The following MLLT10 variants were observed in gnomAD, a reference collection of about 807,000 sequenced individuals.
MLLT10 encodes the protein MLLT10 histone lysine methyltransferase DOT1L cofactor.
A neutral mutation model predicts 129.1 loss-of-function variants in MLLT10; 30 were observed. That is an observed-to-expected ratio of 0.23 (90% CI 0.17 to 0.32). The LOEUF is 0.32. Ranked by LOEUF, MLLT10 falls within the 10% of genes least tolerant of loss-of-function variation. MLLT10 has a pLI of 1.00. For missense variants in MLLT10, 1,119 were observed against 1,268.3 expected, an observed-to-expected ratio of 0.88 and a Z score of 1.79; for synonymous variants, 490 against 446.4, an observed-to-expected ratio of 1.10 and a Z score of -1.23.
intron 20 of MLLT10, among the ~76,000 whole-genome samples, chr10:21,734,563 T>A (rs886769954): frequency 2.0e-5 from 3 of 152,180 alleles, no homozygotes; most frequent in Non-Finnish European, 4.4e-5. Flanking sequence ...GACTCACTGG[T>A]TTCATTGTAC....
chr10:21,610,371 T>G (rs940205211), intron 5 of MLLT10, among the ~76,000 whole-genome samples: 1 of 152,212 alleles, frequency 6.6e-6, no homozygotes, highest in African/African-American at 2.4e-5. Flanking sequence ...CCTCATCTTC[T>G]TGGCCACACC....
At chr10:21,704,603 C>G (rs1241130604) in intron 13 of MLLT10, among the ~76,000 whole-genome samples, 1 of 127,152 alleles carries the variant, frequency 7.9e-6, no homozygotes, top group Non-Finnish European at 1.6e-5. Context: ...GGAGGTGTCT[C>G]TCTCTCGCTT....
At chr10:21,625,677 T>C (rs2046360778) in intron 8 of MLLT10, 1 of 764,912 alleles carries the variant, frequency 1.3e-6, no homozygotes, top group South Asian at 1.3e-5. Flanking sequence ...TCTTTAGTCT[T>C]ATTCTTCAGA....
chr10:21,725,621 G>T (rs1156409566), intron 14 of MLLT10, among the ~76,000 whole-genome samples: 1 of 148,816 alleles, frequency 6.7e-6, no homozygotes, highest in Non-Finnish European at 1.5e-5. Flanking sequence ...CCACTGGGAA[G>T]TCTGAGGCAG....
At chr10:21,592,648 G>C (rs983399887) in intron 4 of MLLT10, among the ~76,000 whole-genome samples, 3 of 152,114 alleles carry the variant, frequency 2.0e-5, no homozygotes, top group African/African-American at 7.2e-5. Context: ...AGTAGAGACG[G>C]TGTTTCACCG....
At chr10:21,707,576 A>G (rs984958334) in intron 13 of MLLT10, among the ~76,000 whole-genome samples, 2 of 152,120 alleles carry the variant, frequency 1.3e-5, no homozygotes, top group African/African-American at 4.8e-5. Flanking sequence ...GAGGGACATA[A>G]TTTTTAATCC....
At chr10:21,632,726 A>AT (rs1564544095) in intron 8 of MLLT10, among the ~76,000 whole-genome samples, 1 of 151,958 alleles carries the variant, frequency 6.6e-6, no homozygotes, top group East Asian at 1.9e-4. Context: ...TCTCTTTTGT[A>AT]TTTTTTCAGA....
intron 13 of MLLT10, among the ~76,000 whole-genome samples, chr10:21,688,069 G>C (rs2053482343): frequency 6.6e-6 from 1 of 151,762 alleles, no homozygotes; most frequent in Non-Finnish European, 1.5e-5. Context: ...TGGCTGGTGA[G>C]TCCCCCACTG....
rs2051278330 is a variant in MLLT10 at position 21,670,434 on chromosome 10, G to T, written c.796-15G>T. ...ATCAACTCTTTTTCCTTCCCTTTTT[G>T]AATCAAAATGTTAGACTTATACAAG... On this transcript the variant is annotated splice_polypyrimidine_tract_variant and intron_variant, in intron 9 of 22. Coordinates refer to ENST00000307729, the MANE Select transcript of MLLT10 (RefSeq NM_001195626.3). 3.2e-6 allele frequency: 5 copies of T among 1,575,106 alleles called. No individual in the cohort carries two copies. The African/African-American group carries it at 5.5e-5, about 17-fold the overall frequency.
chr10:21,717,394 C>T (rs905830036), intron 14 of MLLT10, among the ~76,000 whole-genome samples: 100 of 102,418 alleles, frequency 9.8e-4, no homozygotes, highest in African/African-American at 3.8e-3. Flanking sequence ...GTAAAATTGG[C>T]GGGTGGGGGG....
At chr10:21,571,086 T>C (rs115063336) in intron 3 of MLLT10, among the ~76,000 whole-genome samples, 131 of 152,318 alleles carry the variant, frequency 8.6e-4, no homozygotes, top group African/African-American at 3.0e-3. Flanking sequence ...CTGAAGACTT[T>C]CTTAGTACTC....
intron 13 of MLLT10, among the ~76,000 whole-genome samples, chr10:21,703,846 G>T (rs2055165416): frequency 6.6e-6 from 1 of 151,376 alleles, no homozygotes; most frequent in Admixed American, 6.6e-5. Flanking sequence ...ACCCGGCCCA[G>T]ACCTGGGAAG....
rs1216906242 is a variant in MLLT10, at chr10:21,742,570, A to G, written c.*587A>G. On this transcript the variant is annotated 3_prime_UTR_variant, in exon 23 of 23. Transcript: ENST00000307729. ...TAATGGGATTTGGCCAATTTTGGTAATGAAGTTAGGATGGTAATGTCTGCA... is the reference window on the plus strand; with the variant it reads ...TAATGGGATTTGGCCAATTTTGGTAGTGAAGTTAGGATGGTAATGTCTGCA... 2 of 217,600 alleles carry G rather than the reference A, an allele frequency of 9.2e-6. No homozygotes were observed. The highest frequency in any genetic ancestry group is 5.8e-5 in the Admixed American group (1 of 17,220). 13.5% of individuals were successfully genotyped at this position (217,600 alleles called of 1,614,324 possible).
chr10:21,703,175 A>G (rs974613421), intron 13 of MLLT10, among the ~76,000 whole-genome samples: 1 of 152,006 alleles, frequency 6.6e-6, no homozygotes, highest in African/African-American at 2.4e-5. Flanking sequence ...CATTTCGTGT[A>G]GGGTGGTCTA....
At chr10:21,555,966 C>T (rs1412268866) in intron 3 of MLLT10, among the ~76,000 whole-genome samples, 2 of 151,598 alleles carry the variant, frequency 1.3e-5, no homozygotes, top group Non-Finnish European at 2.9e-5. Context: ...GTGGTGTGAG[C>T]CACTGTGCAC....
intron 6 of MLLT10, among the ~76,000 whole-genome samples, chr10:21,613,010 A>G (rs1403866558): frequency 3.9e-5 from 6 of 152,084 alleles, no homozygotes; most frequent in African/African-American, 9.7e-5. Flanking sequence ...CCTGGCCAAC[A>G]TGGCAAAACC....
chr10:21,717,789 T>C (rs1205326434), intron 14 of MLLT10, among the ~76,000 whole-genome samples: 3 of 47,910 alleles, frequency 6.3e-5, no homozygotes, highest in Non-Finnish European at 9.8e-5. Flanking sequence ...TGCTTCTTCT[T>C]CTTCTTCTTC....
chr10:21,670,509 A>G lies in MLLT10; in HGVS notation c.856A>G (p.Thr286Ala), dbSNP rs781074732. ...SGSLKRLEDTTARFTNANFQE... is the reference protein window; with the variant it reads ...SGSLKRLEDTAARFTNANFQE... Reference sequence around the variant, plus strand: ...ATCATTGAAGCGCTTGGAAGATACTACTGCACGATTTACAAATGCAAATTT... The same window carrying G: ...ATCATTGAAGCGCTTGGAAGATACTGCTGCACGATTTACAAATGCAAATTT... Residue 286 changes from threonine (T) to alanine (A), a missense_variant, in exon 10 of 23, where the codon ACT becomes GCT. Thr to Ala is a moderately conservative substitution (Grantham distance 58). Coordinates refer to ENST00000307729, the MANE Select transcript of MLLT10 (RefSeq NM_001195626.3). 3.7e-6 allele frequency: 6 copies of G among 1,614,106 alleles called. No individual in the cohort carries two copies. The highest frequency in any genetic ancestry group is 5.1e-6 in the Non-Finnish European group (6 of 1,180,002).
intron 5 of MLLT10, among the ~76,000 whole-genome samples, chr10:21,604,095 A>AC (rs1294960714): frequency 2.0e-5 from 3 of 151,792 alleles, no homozygotes; most frequent in African/African-American, 7.3e-5. Flanking sequence ...TGCCTTCTGG[A>AC]CCCCCCAAAA....
Sources: gnomAD v4.1 joint callset for allele counts (sites outside exome capture counted in the v4.1 genomes callset) on GRCh38, gnomAD v4.1.1 for gene constraint, MANE v1.5 for transcripts, NCBI Gene and HGNC (gene_info 2026-07-23, HGNC 2026-07-21) for gene names.